NELL1: variants seen among roughly 807,000 people sequenced by gnomAD.
NELL1 encodes the protein neural EGFL like 1, also known as protein kinase C-binding protein NELL1.
NELL1 carries 76 observed loss-of-function variants against 107.4 expected under a neutral mutation model. The observed-to-expected ratio is 0.71, with a 90% CI of 0.59 to 0.86. The LOEUF (loss-of-function observed/expected upper bound fraction) is 0.86. Ranked by LOEUF, NELL1 falls within the 40% of genes least tolerant of loss-of-function variation. The probability of loss-of-function intolerance (pLI) is 0.00; values close to 1 mark genes in which losing one functional copy is unlikely to be tolerated. For missense variants in NELL1, 1,024 were observed against 1,005.5 expected, an observed-to-expected ratio of 1.02 and a Z score of -0.25; for synonymous variants, 353 against 341.2, an observed-to-expected ratio of 1.03 and a Z score of -0.38.
chr11:21,091,719 T>C (rs1854525813), intron 12 of NELL1, among the ~76,000 whole-genome samples: 1 of 152,128 alleles, frequency 6.6e-6, no homozygotes, highest in South Asian at 2.1e-4. Flanking sequence ...ATTCCATGTG[T>C]GCTGAGGGTT....
At chr11:21,574,457 A>G (rs1293626417) in intron 19 of NELL1, among the ~76,000 whole-genome samples, 1 of 151,800 alleles carries the variant, frequency 6.6e-6, no homozygotes, top group Non-Finnish European at 1.5e-5. Context: ...AGTACATAAA[A>G]TTTTTAATGA....
intron 7 of NELL1, among the ~76,000 whole-genome samples, chr11:20,926,374 G>A (rs924567350): frequency 1.3e-5 from 2 of 152,104 alleles, no homozygotes; most frequent in African/African-American, 4.8e-5. Flanking sequence ...TGGTCAAGAC[G>A]ACAGGATAAC....
intron 14 of NELL1, among the ~76,000 whole-genome samples, chr11:21,281,295 T>C (rs1201368518): frequency 6.6e-6 from 1 of 151,918 alleles, no homozygotes; most frequent in Non-Finnish European, 1.5e-5. Context: ...ATGGTAATAG[T>C]GGCTGTGAGG....
chr11:21,373,469 G>A (rs1382576093), intron 15 of NELL1, among the ~76,000 whole-genome samples: 1 of 152,084 alleles, frequency 6.6e-6, no homozygotes, highest in Admixed American at 6.6e-5. Flanking sequence ...TTAAGACTAA[G>A]TAAATGGTCC....
intron 14 of NELL1, 140 bp downstream of exon 14, chr11:21,229,594 C>T (rs975815550): frequency 5.9e-6 from 7 of 1,181,428 alleles, no homozygotes; most frequent in Admixed American, 2.5e-5. Flanking sequence ...GGCAAGGGTA[C>T]TGTGCGTCAG....
intron 14 of NELL1, among the ~76,000 whole-genome samples, chr11:21,274,029 C>G (rs1848799564): frequency 6.6e-6 from 1 of 152,176 alleles, no homozygotes; most frequent in South Asian, 2.1e-4. Flanking sequence ...ATCATAATGA[C>G]AGGATCAAAT....
chr11:21,501,486 T>G (rs1855140595), intron 15 of NELL1, among the ~76,000 whole-genome samples: 1 of 151,892 alleles, frequency 6.6e-6, no homozygotes, highest in African/African-American at 2.4e-5. Flanking sequence ...ACAACTGTTA[T>G]TCCATCTCAT....
At chr11:20,680,193 T>C (rs1031125661) in intron 2 of NELL1, among the ~76,000 whole-genome samples, 2 of 152,152 alleles carry the variant, frequency 1.3e-5, no homozygotes, top group Non-Finnish European at 1.5e-5. Context: ...CCTTCTGTCA[T>C]GTAAGGTAAC....
intron 5 of NELL1, among the ~76,000 whole-genome samples, chr11:20,896,327 T>C (rs1849736692): frequency 6.6e-6 from 1 of 152,240 alleles, no homozygotes; most frequent in South Asian, 2.1e-4. Flanking sequence ...TTTCCTTTTA[T>C]GGCTGAGTAG....
At chr11:20,827,516 T>C (rs1037212354) in intron 3 of NELL1, among the ~76,000 whole-genome samples, 2 of 151,292 alleles carry the variant, frequency 1.3e-5, no homozygotes, top group South Asian at 4.2e-4. Context: ...AGGCCTAGAC[T>C]CTGTCCACTT....
At chr11:21,404,007 C>CCG (rs1554905739) in intron 15 of NELL1, among the ~76,000 whole-genome samples, 4 of 96,400 alleles carry the variant, frequency 4.1e-5, no homozygotes, top group Non-Finnish European at 6.3e-5. Context: ...ATTCCTGAAC[C>CCG]CCCCCCCCCG....
At chr11:21,156,629 A>T (rs1234982996) in intron 13 of NELL1, among the ~76,000 whole-genome samples, 2 of 152,170 alleles carry the variant, frequency 1.3e-5, no homozygotes, top group Non-Finnish European at 2.9e-5. Context: ...AGTACCCAGC[A>T]GGTGATTATG....
intron 14 of NELL1, among the ~76,000 whole-genome samples, chr11:21,321,507 T>G (rs1412952807): frequency 6.6e-6 from 1 of 152,024 alleles, no homozygotes; most frequent in Non-Finnish European, 1.5e-5. Context: ...AAAATAAGAG[T>G]TCTACTGGTT....
chr11:21,078,869 A>G (rs115344379), intron 12 of NELL1, among the ~76,000 whole-genome samples: 2,900 of 152,206 alleles, frequency 0.019, 76 homozygotes, highest in African/African-American at 0.063. Context: ...AAACATATAG[A>G]TTTTTAAAAG....
intron 12 of NELL1, among the ~76,000 whole-genome samples, chr11:20,976,921 C>A (rs781518702): frequency 6.6e-5 from 10 of 151,574 alleles, no homozygotes; most frequent in Non-Finnish European, 1.2e-4. Flanking sequence ...CCTGTTGTTT[C>A]TCTTCCATAA....
intron 2 of NELL1, among the ~76,000 whole-genome samples, chr11:20,725,112 G>A (rs1484835673): frequency 6.6e-6 from 1 of 152,102 alleles, no homozygotes. Flanking sequence ...ATGAGATTTG[G>A]GTGGGGACAC....
intron 2 of NELL1, among the ~76,000 whole-genome samples, chr11:20,687,668 T>C (rs2133861723): frequency 6.6e-6 from 1 of 152,160 alleles, no homozygotes; most frequent in South Asian, 2.1e-4. Context: ...CTCTGCTCAC[T>C]GCAACCTCCG....
intron 14 of NELL1, among the ~76,000 whole-genome samples, chr11:21,272,531 T>C (rs1016691524): frequency 6.6e-6 from 1 of 152,226 alleles, no homozygotes; most frequent in African/African-American, 2.4e-5. Context: ...TAAATGTCCC[T>C]GTCTGACAGC....
intron 12 of NELL1, among the ~76,000 whole-genome samples, chr11:21,009,851 G>T (rs982871387): frequency 1.3e-4 from 20 of 152,010 alleles, no homozygotes; most frequent in Non-Finnish European, 2.2e-4. Flanking sequence ...ATAGCAGTGG[G>T]TTCTGGTAGG....
Sources: allele counts gnomAD v4.1 joint callset (sites outside exome capture counted in the v4.1 genomes callset), GRCh38; gene constraint gnomAD v4.1.1; transcripts MANE v1.5; gene names NCBI Gene and HGNC (gene_info 2026-07-23, HGNC 2026-07-21).